The following DSCAM variants were observed in gnomAD, a reference collection of about 807,000 sequenced individuals.
The protein encoded by DSCAM is DS cell adhesion molecule.
Under a neutral mutation model 217.7 loss-of-function variants are expected in DSCAM, and 47 were observed. That is an observed-to-expected ratio of 0.22 (90% confidence interval 0.17 to 0.28). DSCAM has a LOEUF of 0.28. Among genes scored for constraint, DSCAM ranks in the 10% least tolerant of loss-of-function variants. The pLI is 1.00. For synonymous variants in DSCAM, 1,056 were observed against 1,015.3 expected (o/e 1.04, Z -0.76); for missense variants, 2,080 against 2,618.3 (o/e 0.79, Z 4.49).
intron 3 of DSCAM, among the ~76,000 whole-genome samples, chr21:40,587,126 T>C (rs937230929): frequency 1.3e-5 from 2 of 152,178 alleles, no homozygotes; most frequent in Admixed American, 1.3e-4. Context: ...TTAATACGTG[T>C]AATAATCTCA....
rs1182267189 is a variant in DSCAM at position 40,012,025 on chromosome 21, C to T, written c.*1009G>A. On this transcript the variant is annotated 3_prime_UTR_variant, in exon 33 of 33. Transcript: ENST00000400454. ...TCTACCATTGTGCCATGAAAGCAGC[C>T]ATAGACAATAGCAAATAGTGCATGT... The T allele has an allele frequency of 6.6e-6, 1 of 152,188 alleles. No individual in the cohort carries two copies. Among genetic ancestry groups the T allele is most frequent in the Non-Finnish European group, 1.5e-5 (1 of 68,046 alleles). 9.4% of individuals were successfully genotyped at this position (152,188 alleles called of 1,614,324 possible). A position where few individuals can be genotyped will look rare whatever the true frequency, so the allele number is the denominator to read the frequency against.
chr21:40,070,731 G>A (rs1354904599), intron 27 of DSCAM, among the ~76,000 whole-genome samples: 1 of 152,166 alleles, frequency 6.6e-6, no homozygotes, highest in Non-Finnish European at 1.5e-5. Flanking sequence ...AATGAGGGGA[G>A]CTTTGGGCTC....
At chr21:40,562,622 A>AAT (rs1398160158) in intron 3 of DSCAM, among the ~76,000 whole-genome samples, 4 of 152,230 alleles carry the variant, frequency 2.6e-5, no homozygotes, top group African/African-American at 7.2e-5. Context: ...CTCTGAAAAT[A>AAT]ACAGCTCATT....
At chr21:40,177,958 C>T (rs541230443) in intron 15 of DSCAM, among the ~76,000 whole-genome samples, 1 of 152,318 alleles carries the variant, frequency 6.6e-6, no homozygotes, top group East Asian at 1.9e-4. Flanking sequence ...TGAGACTAAG[C>T]TGCCATCTTC....
At chr21:40,583,403 G>A (rs527309881) in intron 3 of DSCAM, among the ~76,000 whole-genome samples, 1 of 152,110 alleles carries the variant, frequency 6.6e-6, no homozygotes, top group South Asian at 2.1e-4. Flanking sequence ...ACCCACAAAC[G>A]AACCCACAGA....
In DSCAM at chr21:40,098,716, AAAACAT is replaced by A. The variant is rs1351105974; in HGVS notation, c.3697-4848_3697-4843del. ...TCATACAACCTCATGCTTCCTCAAC[AAAACAT>A]AATGTCAGATAATTACTTATTGTCA... On this transcript the variant is annotated intron_variant, in intron 20 of 32. Transcript: ENST00000400454. Among the ~76,000 whole-genome samples the A allele has an allele frequency of 9.2e-5, 14 of 152,362 alleles. 1 individual carries two copies. The East Asian group carries it at 1.3e-3, about 15-fold the overall frequency.
intron 3 of DSCAM, among the ~76,000 whole-genome samples, chr21:40,404,231 G>A (rs550283868): frequency 3.6e-4 from 55 of 152,274 alleles, no homozygotes; most frequent in African/African-American, 1.3e-3. Context: ...ATGCTGCTAC[G>A]AGGCACTTTA....
chr21:40,160,795 T>TA (rs2090531918), intron 16 of DSCAM, among the ~76,000 whole-genome samples: 1 of 152,230 alleles, frequency 6.6e-6, no homozygotes, highest in East Asian at 1.9e-4. Context: ...CTAACCGTTA[T>TA]ACAAAAAATC....
At chr21:40,355,064 A>G (rs2074677248) in intron 4 of DSCAM, among the ~76,000 whole-genome samples, 2 of 152,108 alleles carry the variant, frequency 1.3e-5, no homozygotes, top group African/African-American at 4.8e-5. Flanking sequence ...GTCTTCCTGG[A>G]GCTCATGTTC....
At chr21:40,760,348 C>T (rs949824282) in intron 1 of DSCAM, among the ~76,000 whole-genome samples, 10 of 152,242 alleles carry the variant, frequency 6.6e-5, no homozygotes, top group African/African-American at 2.2e-4. Context: ...TTGGCCCTTG[C>T]TTCACAGCTG....
intron 1 of DSCAM, among the ~76,000 whole-genome samples, chr21:40,761,696 T>A (rs1189549650): frequency 6.6e-6 from 1 of 152,158 alleles, no homozygotes; most frequent in Admixed American, 6.5e-5. Flanking sequence ...ACGATCCCAA[T>A]TAGAGAGTGC....
At chr21:40,559,988 T>C (rs893246949) in intron 3 of DSCAM, among the ~76,000 whole-genome samples, 12 of 152,036 alleles carry the variant, frequency 7.9e-5, no homozygotes, top group Admixed American at 7.9e-4. Flanking sequence ...AGAGACGGGG[T>C]TTCACCGTGT....
intron 3 of DSCAM, among the ~76,000 whole-genome samples, chr21:40,595,976 C>G (rs1405831977): frequency 6.6e-6 from 1 of 152,186 alleles, no homozygotes; most frequent in Non-Finnish European, 1.5e-5. Flanking sequence ...AGTGCATGTG[C>G]GTGTCTGGAC....
intron 11 of DSCAM, among the ~76,000 whole-genome samples, chr21:40,227,342 C>T (rs913748716): frequency 1.3e-5 from 2 of 152,138 alleles, no homozygotes; most frequent in African/African-American, 4.8e-5. Context: ...CTCCCAGCTG[C>T]CACCTTCCTG....
At chr21:40,357,604 TA>T (rs1211131921) in intron 4 of DSCAM, among the ~76,000 whole-genome samples, 1 of 152,140 alleles carries the variant, frequency 6.6e-6, no homozygotes, top group Non-Finnish European at 1.5e-5. Context: ...AGATAATATG[TA>T]TTACTTGGGG....
chr21:40,547,885 G>A (rs2076596235), intron 3 of DSCAM, among the ~76,000 whole-genome samples: 1 of 152,216 alleles, frequency 6.6e-6, no homozygotes, highest in African/African-American at 2.4e-5. Context: ...AGGCAGGCAG[G>A]CAGCATTTCC....
At chr21:40,063,589 T>C (rs952023125) in intron 27 of DSCAM, among the ~76,000 whole-genome samples, 9 of 152,188 alleles carry the variant, frequency 5.9e-5, no homozygotes, top group Non-Finnish European at 8.8e-5. Flanking sequence ...AAAATGAATG[T>C]TTCCTTACTT....
At chr21:40,766,935 C>T (rs2091398450) in intron 1 of DSCAM, among the ~76,000 whole-genome samples, 2 of 152,102 alleles carry the variant, frequency 1.3e-5, no homozygotes, top group Admixed American at 1.3e-4. Context: ...ATCCACCCGC[C>T]TTGGCCTCCC....
chr21:40,102,420 C>T (rs2089763477), intron 20 of DSCAM, among the ~76,000 whole-genome samples: 1 of 152,246 alleles, frequency 6.6e-6, no homozygotes, highest in Middle Eastern at 3.4e-3. Flanking sequence ...TGCTTTAGGT[C>T]TGCTGGGTAG....
Sources: allele counts gnomAD v4.1 joint callset (sites outside exome capture counted in the v4.1 genomes callset), GRCh38; gene constraint gnomAD v4.1.1; transcripts MANE v1.5; gene names NCBI Gene and HGNC (gene_info 2026-07-23, HGNC 2026-07-21).